TAF2: variants seen among roughly 807,000 people sequenced by gnomAD.
TAF2 encodes the protein transcription initiation factor TFIID subunit 2.
A neutral mutation model predicts 138.5 loss-of-function variants in TAF2; 61 were observed. The observed-to-expected ratio is 0.44, with a 90% CI of 0.36 to 0.54. TAF2 has a LOEUF of 0.54. TAF2 is among the 20% of genes least tolerant of loss of function. The pLI is 0.00. For missense variants in TAF2, 1,090 were observed against 1,427.9 expected (o/e 0.76, Z 3.81); for synonymous variants, 475 against 469.9 (o/e 1.01, Z -0.14).
chr8:119,819,391 A>T lies in TAF2; in HGVS notation c.254T>A (p.Ile85Asn), dbSNP rs1266237571. 1.9e-6 allele frequency: 3 copies of T among 1,613,146 alleles called. No individual in the cohort carries two copies. The South Asian group carries it at 3.3e-5, about 18-fold the overall frequency. The change falls in exon 3 of 26, where the codon ATT (isoleucine) becomes AAT (asparagine). Residue 85 changes from isoleucine (I) to asparagine (N), a missense_variant. Ile to Asn is a moderately radical substitution (Grantham distance 149). Around this residue, in one of 3 missense-constraint regions of TAF2, gnomAD observed 504 missense variants for 680.9 expected, o/e 0.74. Coordinates refer to ENST00000378164, the MANE Select transcript of TAF2 (RefSeq NM_003184.4). ...AACTTCCAAGGTTGGGTCATTATAAATAAAAGCAGCCTCTAAATCATTGAT... is the reference window on the plus strand; with the variant it reads ...AACTTCCAAGGTTGGGTCATTATAATTAAAAGCAGCCTCTAAATCATTGAT... ...VRINDLEAAF[I>N]YNDPTLEVCH...
chr8:119,791,593 A>C, intron 10 of TAF2, 134 bp from the exon 11 acceptor site: 1 of 968,176 alleles, frequency 1.0e-6, no homozygotes, highest in Non-Finnish European at 1.5e-6. Flanking sequence ...GTACTAATAA[A>C]CATCTAAAAA....
At position 119,731,945 on chromosome 8, in the gene TAF2, A is replaced by G. The variant is rs1818901413; in HGVS notation, c.3579T>C (p.Arg1193=). 1 of 1,614,086 alleles carries G rather than the reference A, an allele frequency of 6.2e-7. No individual in the cohort carries two copies. The highest frequency in any genetic ancestry group is 1.7e-5 in the Admixed American group (1 of 60,016). The change falls in exon 26 of 26, where the codon CGT becomes CGC. Residue 1193 remains arginine, a synonymous_variant. Coordinates refer to ENST00000378164, the MANE Select transcript of TAF2 (RefSeq NM_003184.4). The part of the protein sequence containing the change: ...FSSPASGRSI[R]SPSLSD ...CTTCTCAGTCTGAAAGGGAAGGAGA[A>G]CGAATAGACCTGCCACTGGCAGGGC...
At chr8:119,790,593 T>G (rs1003754290) in intron 11 of TAF2, among the ~76,000 whole-genome samples, 1 of 152,178 alleles carries the variant, frequency 6.6e-6, no homozygotes, top group Non-Finnish European at 1.5e-5. Context: ...AACATTTGGT[T>G]TCCACTCGCA....
Position 119,806,420 on chromosome 8 carries a change from C to A in TAF2, c.300-19G>T. 6.4e-7 allele frequency: 1 copy of A among 1,568,816 alleles called. No individual in the cohort carries two copies. Among genetic ancestry groups the A allele is most frequent in the Non-Finnish European group, 8.8e-7 (1 of 1,139,918 alleles). On this transcript the variant is annotated intron_variant, in intron 3 of 25. Transcript: ENST00000378164. Reference sequence around the variant, plus strand: ...GTTTCTCCTGGGGAAAAAAAAGAGCCAACTTTTAATAATAAGCCATGTATC... The same window carrying A: ...GTTTCTCCTGGGGAAAAAAAAGAGCAAACTTTTAATAATAAGCCATGTATC...
chr8:119,760,480 C>G (rs758720483), intron 20 of TAF2, 119 bp downstream of exon 20: 1 of 1,140,102 alleles, frequency 8.8e-7, no homozygotes, highest in Non-Finnish European at 1.2e-6. Flanking sequence ...ATCACTAAGT[C>G]AAGAATTTAA....
At chr8:119,738,134 G>A (rs1237123287) in intron 25 of TAF2, among the ~76,000 whole-genome samples, 1 of 151,076 alleles carries the variant, frequency 6.6e-6, no homozygotes, top group Non-Finnish European at 1.5e-5. Flanking sequence ...ATTCTCTCTA[G>A]AGAATATATG....
At chr8:119,746,576 G>T in intron 23 of TAF2, 129 bp downstream of exon 23, 1 of 982,904 alleles carries the variant, frequency 1.0e-6, no homozygotes. Context: ...ATGTCAGCCA[G>T]CATTTTTTAA....
In TAF2 at chr8:119,734,406, G is replaced by A. The variant is rs566827928; in HGVS notation, c.3338-2220C>T. Among the ~76,000 whole-genome samples the A allele has an allele frequency of 6.6e-5, 10 of 152,162 alleles. No individual in the cohort carries two copies. In the South Asian group the frequency reaches 1.9e-3, roughly 28 times the overall value. On this transcript the variant is annotated intron_variant, in intron 25 of 25. Coordinates refer to ENST00000378164, the MANE Select transcript of TAF2 (RefSeq NM_003184.4). ...GATCCAAACCAGCCCCCAAATCATG[G>A]TTTTCACCAAAACAGACATCACCAC... is the stretch of plus-strand genomic sequence containing the variant.
At chr8:119,783,665 A>G (rs773796210) in intron 15 of TAF2, 32 bp from the exon 16 acceptor site, 14 of 1,588,318 alleles carry the variant, frequency 8.8e-6, no homozygotes, top group Non-Finnish European at 1.2e-5. Flanking sequence ...TTTTTAATTT[A>G]ATTTTTAAAC....
At position 119,745,263 on chromosome 8, in the gene TAF2, C is replaced by CT. The variant is rs1819879549; in HGVS notation, c.3109-871dup. Among the ~76,000 whole-genome samples, 3 of 152,180 alleles carry CT rather than the reference C, an allele frequency of 2.0e-5. No individual in the cohort carries two copies. In the South Asian group the frequency reaches 6.2e-4, roughly 32 times the overall value. On this transcript the variant is annotated intron_variant, in intron 23 of 25. Coordinates refer to ENST00000378164, the MANE Select transcript of TAF2 (RefSeq NM_003184.4). The stretch of plus-strand genomic sequence containing the variant: ...TAGAGGTTTCCCAAAAGAACATGTC[C>CT]TTTGATGCCATTTTCTCCTCTTAGC...
chr8:119,814,737 C>CAAAAAAAAAA (rs397795248), intron 3 of TAF2, among the ~76,000 whole-genome samples: 551 of 85,526 alleles, frequency 6.4e-3, no homozygotes, highest in African/African-American at 9.3e-3. Flanking sequence ...ACCAAAAATA[C>CAAAAAAAAAA]AAAAAAAAAA....
chr8:119,832,639 A>T lies in TAF2; in HGVS notation c.-75T>A. On this transcript the variant is annotated 5_prime_UTR_variant, in exon 1 of 26. Transcript: ENST00000378164. ...GCATTACTAGTCTTTGGCACCTCAC[A>T]CTCTCCACTCCCCTGCGGTCCCCAA... The T allele has an allele frequency of 1.4e-6, 2 of 1,405,598 alleles. No individual in the cohort carries two copies. The highest frequency in any genetic ancestry group is 2.0e-6 in the Non-Finnish European group (2 of 1,011,794). 87.1% of individuals were successfully genotyped at this position (1,405,598 alleles called of 1,614,324 possible).
Position 119,789,730 on chromosome 8 carries a change from A to G in TAF2, c.1430T>C (p.Leu477Pro). Residue 477 changes from leucine to proline, a missense_variant, in exon 12 of 26, where the codon CTA (leucine) becomes CCA (proline). By Grantham distance (98) the Leu-to-Pro change is moderately conservative. Transcript: ENST00000378164. ...AGATGAAGCAGTACTAGCCAGACTT[A>G]GCAGTTTATTGAAAACCTGTAAGGA... ...EFMLQVFNKL[L>P]SLASTASSQK... The G allele has an allele frequency of 1.9e-6, 3 of 1,613,810 alleles. No individual in the cohort carries two copies. The highest frequency in any genetic ancestry group is 1.3e-5 in the African/African-American group (1 of 75,050).
At chr8:119,744,910 C>T (rs16893090) in intron 23 of TAF2, 3 of 456,134 alleles carry the variant, frequency 6.6e-6, no homozygotes, top group South Asian at 4.6e-5. Flanking sequence ...TTACTGCTAT[C>T]CTCATTCTTC....
intron 23 of TAF2, among the ~76,000 whole-genome samples, chr8:119,746,310 T>C (rs1443033902): frequency 1.4e-5 from 2 of 140,490 alleles, no homozygotes; most frequent in African/African-American, 2.6e-5. Context: ...GAGGCAGAGG[T>C]TGCAGTGAGC....
At position 119,760,638 on chromosome 8, in the gene TAF2, T is replaced by G; in HGVS notation, c.2659A>C (p.Arg887=). The G allele has an allele frequency of 6.8e-6, 11 of 1,613,896 alleles. No homozygotes were observed. The highest frequency in any genetic ancestry group is 9.3e-6 in the Non-Finnish European group (11 of 1,179,960). ...ACAACTGCTTCCAAAGCTGCTATCC[T>G]AATGTCCACAAAGTGGCCATATTCA... is the stretch of plus-strand genomic sequence containing the variant. ...YAEYGHFVDI[R]IAALEAVVDY... The change falls in exon 20 of 26, where the codon AGG becomes CGG. Residue 887 remains arginine (R), a synonymous_variant. Coordinates refer to ENST00000378164, the MANE Select transcript of TAF2 (RefSeq NM_003184.4).
At chr8:119,760,805 C>A (rs1163015625) in intron 19 of TAF2, 67 bp from the exon 20 acceptor site, 2 of 1,598,636 alleles carry the variant, frequency 1.3e-6, no homozygotes, top group Non-Finnish European at 1.7e-6. Flanking sequence ...GTTTCCTAGG[C>A]ATTAGAGAAT....
chr8:119,829,493 C>G (rs10108536), intron 2 of TAF2, among the ~76,000 whole-genome samples: 152,031 of 152,186 alleles, frequency 1, 75,938 homozygotes, highest in Middle Eastern at 1. Context: ...GTTCTAAATA[C>G]TCCCTTCATT....
intron 6 of TAF2, among the ~76,000 whole-genome samples, chr8:119,800,553 A>G (rs918193695): frequency 2.0e-5 from 3 of 152,218 alleles, no homozygotes; most frequent in Non-Finnish European, 4.4e-5. Flanking sequence ...GTAGCCTTGT[A>G]GTATAGTTTG....
Sources: allele counts gnomAD v4.1 joint callset (sites outside exome capture counted in the v4.1 genomes callset), GRCh38; gene constraint gnomAD v4.1.1; regional missense constraint gnomAD v4.1.1; transcripts MANE v1.5; gene names NCBI Gene and HGNC (gene_info 2026-07-23, HGNC 2026-07-21).